Variants in KCNK13 observed in about 807,000 individuals in gnomAD.
KCNK13 encodes potassium channel subfamily K member 13.
A neutral mutation model predicts 23.4 loss-of-function variants in KCNK13; 12 were observed. That is an observed-to-expected ratio of 0.51 (90% confidence interval 0.33 to 0.83). KCNK13 has a LOEUF of 0.83. KCNK13 is among the 40% of genes least tolerant of loss of function. The pLI is 0.02. For synonymous variants in KCNK13, 231 were observed against 229.5 expected, an observed-to-expected ratio of 1.01 and a Z score of -0.06; for missense variants, 463 against 556.3, an observed-to-expected ratio of 0.83 and a Z score of 1.69.
intron 1 of KCNK13, among the ~76,000 whole-genome samples, chr14:90,073,787 C>T (rs1449046260): frequency 6.6e-6 from 1 of 151,528 alleles, no homozygotes; most frequent in African/African-American, 2.4e-5. Context: ...TCTCCTGCCT[C>T]AGCCTCCGGA....
intron 1 of KCNK13, among the ~76,000 whole-genome samples, chr14:90,144,495 C>CTCTT (rs1555352214): frequency 0.017 from 2,026 of 119,198 alleles, 90 homozygotes; most frequent in African/African-American, 0.057. Flanking sequence ...TTTACTTTCT[C>CTCTT]TTTTTTTTTT....
At chr14:90,121,620 CAGCAA>C (rs1298893236) in intron 1 of KCNK13, among the ~76,000 whole-genome samples, 1 of 152,208 alleles carries the variant, frequency 6.6e-6, no homozygotes, top group African/African-American at 2.4e-5. Context: ...GAGCCCAGAG[CAGCAA>C]AGGTCAGGAG....
intron 1 of KCNK13, among the ~76,000 whole-genome samples, chr14:90,095,393 C>T (rs545084364): frequency 9.8e-5 from 15 of 152,310 alleles, no homozygotes; most frequent in Non-Finnish European, 5.9e-5. Flanking sequence ...TTGGTAGCAC[C>T]ATTTGAAACA....
chr14:90,141,990 T>C (rs552775278), intron 1 of KCNK13, among the ~76,000 whole-genome samples: 1 of 151,706 alleles, frequency 6.6e-6, no homozygotes, highest in African/African-American at 2.4e-5. Context: ...GGTTTCACTG[T>C]GTTAGCCAGG....
chr14:90,157,888 A>G (rs962606904), intron 1 of KCNK13, among the ~76,000 whole-genome samples: 39 of 149,146 alleles, frequency 2.6e-4, no homozygotes, highest in African/African-American at 8.6e-4. Flanking sequence ...TTTAGTAGAG[A>G]TGGGGTTTTG....
intron 1 of KCNK13, among the ~76,000 whole-genome samples, chr14:90,138,889 A>G (rs939890752): frequency 2.0e-5 from 3 of 152,182 alleles, no homozygotes; most frequent in Admixed American, 1.3e-4. Context: ...TTTCTGTTAT[A>G]TGGCCCAGAA....
chr14:90,120,016 T>C (rs190092272), intron 1 of KCNK13, among the ~76,000 whole-genome samples: 60 of 152,266 alleles, frequency 3.9e-4, no homozygotes, highest in Non-Finnish European at 7.1e-4. Context: ...ATCACCCAGG[T>C]ACTAAGACTG....
intron 1 of KCNK13, among the ~76,000 whole-genome samples, chr14:90,099,603 G>A (rs79483433): frequency 0.019 from 2,936 of 152,252 alleles, 40 homozygotes; most frequent in Non-Finnish European, 0.028. Context: ...GACAACTAGG[G>A]AGAAAAGTGC....
chr14:90,083,841 C>T (rs192874154), intron 1 of KCNK13, among the ~76,000 whole-genome samples: 40 of 152,334 alleles, frequency 2.6e-4, no homozygotes, highest in Admixed American at 8.5e-4. Flanking sequence ...AATTCTTTTG[C>T]ATGTGGATAT....
chr14:90,063,332 G>A (rs1888968789), intron 1 of KCNK13, among the ~76,000 whole-genome samples: 1 of 152,140 alleles, frequency 6.6e-6, no homozygotes. Context: ...GCACCTGGGA[G>A]CCATTGAGAA....
intron 1 of KCNK13, among the ~76,000 whole-genome samples, chr14:90,168,035 T>C (rs1890323461): frequency 6.6e-6 from 1 of 152,122 alleles, no homozygotes; most frequent in African/African-American, 2.4e-5. Context: ...TCATTTTACG[T>C]ACTGTACCAT....
chr14:90,122,691 C>T (rs1303078221), intron 1 of KCNK13, among the ~76,000 whole-genome samples: 4 of 151,422 alleles, frequency 2.6e-5, no homozygotes, highest in Admixed American at 2.6e-4. Context: ...CAAACTGGCC[C>T]GAGGCACTCA....
At chr14:90,144,320 A>G (rs1228737246) in intron 1 of KCNK13, among the ~76,000 whole-genome samples, 1 of 152,018 alleles carries the variant, frequency 6.6e-6, no homozygotes, top group African/African-American at 2.4e-5. Flanking sequence ...ATTGTACATG[A>G]TATCTTAGTT....
chr14:90,070,239 G>T (rs1889057731), intron 1 of KCNK13, among the ~76,000 whole-genome samples: 2 of 152,128 alleles, frequency 1.3e-5, no homozygotes, highest in South Asian at 4.1e-4. Flanking sequence ...AATGTATTTT[G>T]TATCTCATTG....
rs376563478 is a variant in KCNK13, at chr14:90,146,549, CA to C, written c.335-37561del. Among the ~76,000 whole-genome samples, 24 of 152,294 alleles carry C rather than the reference CA, an allele frequency of 1.6e-4. No homozygotes were observed. The East Asian group carries it at 1.7e-3, about 11-fold the overall frequency. On this transcript the variant is annotated intron_variant, in intron 1 of 1. Coordinates refer to ENST00000282146, the MANE Select transcript of KCNK13 (RefSeq NM_022054.4). ...CAGTCTGGTCTCGAACTCCTGACCC[CA>C]GGTGATCCACCCACCTCAGCCTCCC... is the stretch of plus-strand genomic sequence containing the variant.
At chr14:90,084,268 TC>T (rs1889246449) in intron 1 of KCNK13, among the ~76,000 whole-genome samples, 1 of 152,218 alleles carries the variant, frequency 6.6e-6, no homozygotes, top group South Asian at 2.1e-4. Context: ...AGTGTTCCAA[TC>T]TATGAACATG....
chr14:90,171,019 G>C (rs1890359263), intron 1 of KCNK13, among the ~76,000 whole-genome samples: 1 of 152,172 alleles, frequency 6.6e-6, no homozygotes, highest in African/African-American at 2.4e-5. Flanking sequence ...CCAGTTCCCA[G>C]CTTGACTTTT....
chr14:90,184,926 G>T lies in KCNK13; in HGVS notation c.1150G>T (p.Asp384Tyr). Reference protein sequence around the residue: ...CPHQTSTLARDNEFSGGVGAF... With the variant: ...CPHQTSTLARYNEFSGGVGAF... ...CCACCAGACCAGCACACTGGCCCGG[G>T]ACAATGAATTCTCAGGGGGGGTGGG... is the stretch of plus-strand genomic sequence containing the variant. The change falls in exon 2 of 2, where the codon GAC (aspartate) becomes TAC (tyrosine). Residue 384 changes from aspartate (D) to tyrosine (Y), a missense_variant. By Grantham distance (160) the Asp-to-Tyr change is radical. This residue lies in a region of KCNK13 where 166 missense variants were observed against 178.8 expected (regional missense o/e 0.93). Coordinates refer to ENST00000282146, the MANE Select transcript of KCNK13 (RefSeq NM_022054.4). This position sits in a 1 kb window ranked among gnomAD's most constrained non-coding sequence, Gnocchi z 5.6. The T allele has an allele frequency of 6.2e-7, 1 of 1,613,244 alleles. No homozygotes were observed.
chr14:90,152,535 C>CA (rs901017512), intron 1 of KCNK13, among the ~76,000 whole-genome samples: 147 of 148,136 alleles, frequency 9.9e-4, no homozygotes, highest in Non-Finnish European at 1.8e-3. Flanking sequence ...AACTCCATCT[C>CA]AAAAAAAAAA....
Sources: allele counts gnomAD v4.1 joint callset (sites outside exome capture counted in the v4.1 genomes callset), GRCh38; gene constraint gnomAD v4.1.1; regional missense constraint gnomAD v4.1.1; non-coding constraint Gnocchi (gnomAD v3.1); transcripts MANE v1.5; gene names NCBI Gene and HGNC (gene_info 2026-07-23, HGNC 2026-07-21).